CCSER1: variants seen among roughly 807,000 people sequenced by gnomAD.
CCSER1 encodes coiled-coil serine rich protein 1.
CCSER1 carries 41 observed loss-of-function variants against 82.0 expected under a neutral mutation model. That is an observed-to-expected ratio of 0.50 (90% confidence interval 0.39 to 0.65). The LOEUF is 0.65. CCSER1 is among the 30% of genes least tolerant of loss of function. The pLI, the probability that CCSER1 is intolerant of heterozygous loss-of-function variation, is 0.00. For missense variants in CCSER1, 1,119 were observed against 1,064.2 expected (o/e 1.05, Z -0.72); for synonymous variants, 414 against 383.9 (o/e 1.08, Z -0.92).
At chr4:91,342,071 T>C (rs1320787324) in intron 10 of CCSER1, among the ~76,000 whole-genome samples, 1 of 152,154 alleles carries the variant, frequency 6.6e-6, no homozygotes, top group Admixed American at 6.5e-5. Flanking sequence ...CCTGTTTTGC[T>C]GCATAAAAGT....
intron 9 of CCSER1, among the ~76,000 whole-genome samples, chr4:90,940,540 G>T (rs898363502): frequency 6.6e-6 from 1 of 151,988 alleles, no homozygotes; most frequent in African/African-American, 2.4e-5. Flanking sequence ...AGGGATTAAC[G>T]GGGATGTTGT....
intron 6 of CCSER1, among the ~76,000 whole-genome samples, chr4:90,688,305 G>T (rs1331734807): frequency 6.6e-6 from 1 of 152,094 alleles, no homozygotes; most frequent in Admixed American, 6.6e-5. Context: ...TAAAGTGTGT[G>T]TGTGCACGTG....
intron 10 of CCSER1, among the ~76,000 whole-genome samples, chr4:91,517,786 T>TTGTGTGTGTGTG (rs1250682113): frequency 2.2e-5 from 2 of 90,568 alleles, no homozygotes; most frequent in African/African-American, 7.8e-5. Flanking sequence ...GTGTGTGTGT[T>TTGTGTGTGTGTG]TAACTTTGAT....
At chr4:91,388,635 C>T (rs1751459088) in intron 10 of CCSER1, among the ~76,000 whole-genome samples, 1 of 152,022 alleles carries the variant, frequency 6.6e-6, no homozygotes, top group Non-Finnish European at 1.5e-5. Flanking sequence ...TTTTAATGTG[C>T]ATTTCCTGAT....
intron 9 of CCSER1, among the ~76,000 whole-genome samples, chr4:90,953,980 G>A (rs975317077): frequency 3.3e-5 from 5 of 151,884 alleles, no homozygotes; most frequent in African/African-American, 7.2e-5. Flanking sequence ...ATTACACTCC[G>A]TGTTGCCTCT....
At position 91,098,832 on chromosome 4, in the gene CCSER1, C is replaced by T. The variant is rs146409218; in HGVS notation, c.2217+12838C>T. Among the ~76,000 whole-genome samples, 47 of 151,886 alleles carry T rather than the reference C, an allele frequency of 3.1e-4. 1 individual carries two copies. The highest frequency in any genetic ancestry group is 8.9e-4 in the African/African-American group (37 of 41,488). On this transcript the variant is annotated intron_variant, in intron 10 of 10. Coordinates refer to ENST00000509176, the MANE Select transcript of CCSER1 (RefSeq NM_001145065.2). ...CTGGGATTACAGGCGTGAGCCACCGCGCCCAGCTGAGAATTGTTTTTTTAA... is the reference window on the plus strand; with the variant it reads ...CTGGGATTACAGGCGTGAGCCACCGTGCCCAGCTGAGAATTGTTTTTTTAA...
chr4:90,284,014 C>G (rs1729366088), intron 1 of CCSER1, among the ~76,000 whole-genome samples: 1 of 151,872 alleles, frequency 6.6e-6, no homozygotes, highest in South Asian at 2.1e-4. Flanking sequence ...GGATAAAAAC[C>G]ATTTTAACTG....
chr4:90,439,189 G>A (rs993738342), intron 4 of CCSER1, among the ~76,000 whole-genome samples: 2 of 152,198 alleles, frequency 1.3e-5, no homozygotes, highest in East Asian at 1.9e-4. Flanking sequence ...CGGGAGTGCT[G>A]AGGCAGGAGA....
intron 6 of CCSER1, chr4:90,649,671 T>C (rs1728357809): frequency 6.6e-6 from 1 of 152,244 alleles, no homozygotes. Context: ...TTATAGTATT[T>C]TGTTATAGCA....
At chr4:90,428,775 T>C (rs964140185) in intron 4 of CCSER1, among the ~76,000 whole-genome samples, 1 of 151,842 alleles carries the variant, frequency 6.6e-6, no homozygotes, top group Non-Finnish European at 1.5e-5. Context: ...TTATTTTTGA[T>C]AAAGTAAAAT....
chr4:91,250,194 A>G (rs1740146100), intron 10 of CCSER1, among the ~76,000 whole-genome samples: 1 of 152,160 alleles, frequency 6.6e-6, no homozygotes, highest in South Asian at 2.1e-4. Context: ...TCAAGAATTC[A>G]GATTATTTCT....
intron 1 of CCSER1, among the ~76,000 whole-genome samples, chr4:90,152,646 T>C (rs1578206809): frequency 6.6e-6 from 1 of 152,064 alleles, no homozygotes; most frequent in Non-Finnish European, 1.5e-5. Context: ...AACGTGTGTG[T>C]AGAGAGCACT....
At chr4:90,155,068 T>C (rs1254388418) in intron 1 of CCSER1, among the ~76,000 whole-genome samples, 2 of 152,224 alleles carry the variant, frequency 1.3e-5, no homozygotes, top group African/African-American at 4.8e-5. Context: ...ATACCTAATT[T>C]ATTGACAGTT....
At chr4:90,851,320 C>A (rs1763858302) in intron 8 of CCSER1, among the ~76,000 whole-genome samples, 1 of 152,084 alleles carries the variant, frequency 6.6e-6, no homozygotes, top group South Asian at 2.1e-4. Context: ...TCTACAGGCA[C>A]ATATTTTAAC....
intron 9 of CCSER1, among the ~76,000 whole-genome samples, chr4:91,081,969 G>A (rs1458443717): frequency 3.3e-5 from 5 of 152,092 alleles, no homozygotes; most frequent in Admixed American, 6.6e-5. Context: ...AATCAATATC[G>A]TGAAAATGGC....
chr4:90,821,950 C>T (rs1759779448), intron 8 of CCSER1, among the ~76,000 whole-genome samples: 1 of 151,970 alleles, frequency 6.6e-6, no homozygotes, highest in African/African-American at 2.4e-5. Context: ...TGGATATGTT[C>T]TTGTAAATGA....
chr4:90,612,324 G>T (rs912161221), intron 5 of CCSER1, among the ~76,000 whole-genome samples: 2 of 152,092 alleles, frequency 1.3e-5, no homozygotes, highest in African/African-American at 4.8e-5. Flanking sequence ...TGATAATTCA[G>T]TAGGACAGGG....
intron 10 of CCSER1, among the ~76,000 whole-genome samples, chr4:91,199,531 A>C (rs1735728919): frequency 6.6e-6 from 1 of 152,038 alleles, no homozygotes. Context: ...TTAAAGGTAA[A>C]ATTAAAATTA....
intron 10 of CCSER1, among the ~76,000 whole-genome samples, chr4:91,418,163 C>A (rs534239002): frequency 6.6e-6 from 1 of 151,348 alleles, no homozygotes; most frequent in South Asian, 2.1e-4. Context: ...TAAATTCACA[C>A]CTGAAGGAAA....
Sources: allele counts gnomAD v4.1 joint callset (sites outside exome capture counted in the v4.1 genomes callset), GRCh38; gene constraint gnomAD v4.1.1; transcripts MANE v1.5; gene names NCBI Gene and HGNC (gene_info 2026-07-23, HGNC 2026-07-21).